The following LTK variants were observed in gnomAD, a reference collection of about 807,000 sequenced individuals.
The protein encoded by LTK is leukocyte receptor tyrosine kinase.
LTK carries 117 observed loss-of-function variants against 101.5 expected under a neutral mutation model. That is an observed-to-expected ratio of 1.15 (90% confidence interval 0.99 to 1.34). The LOEUF (loss-of-function observed/expected upper bound fraction) is 1.34. LTK is among the 40% of genes most tolerant of loss of function. LTK has a pLI of 0.00. For missense variants in LTK, 1,252 were observed against 1,164.7 expected, an observed-to-expected ratio of 1.07 and a Z score of -1.09; for synonymous variants, 563 against 494.2, an observed-to-expected ratio of 1.14 and a Z score of -1.85.
rs1308757789 is a variant in LTK at position 41,504,970 on chromosome 15, A to G, written c.2018+2T>C. 6.2e-7 allele frequency: 1 copy of G among 1,608,954 alleles called. No individual in the cohort carries two copies. The highest frequency in any genetic ancestry group is 2.2e-5 in the East Asian group (1 of 44,842). On this transcript the variant is annotated splice_donor_variant, in intron 16 of 19. Coordinates refer to ENST00000263800, the MANE Select transcript of LTK (RefSeq NM_002344.6). LOFTEE classifies it high-confidence loss of function. ...AGCCTTCCCACCTCCCAAGTCCCGC[A>G]CCGGTAGATATCTCGTGCCATCCCA...
chr15:41,506,214 G>A (rs749307982), intron 11 of LTK, among the ~76,000 whole-genome samples: 23 of 152,250 alleles, frequency 1.5e-4, no homozygotes, highest in Admixed American at 5.2e-4. Flanking sequence ...GGGCAGATGC[G>A]GGCCAGAGTC....
chr15:41,511,569 C>A lies in LTK; in HGVS notation c.667G>T (p.Gly223Cys). Residue 223 changes from glycine to cysteine, a missense_variant, in exon 6 of 20, where the codon GGC becomes TGC. Transcript: ENST00000263800. The surrounding 1 kb of genome is among the most constrained non-coding windows in gnomAD (Gnocchi z 5.9). ...GATYVFRVRA[G>C]ELEPLLVAAG... ...GCCACCAGCAACGGTTCCAGCTCGC[C>A]AGCGCGCACCTGTGGGGCCAGCGGC... The A allele has an allele frequency of 6.9e-7, 1 of 1,445,096 alleles. No homozygotes were observed. 89.5% of individuals were successfully genotyped at this position (1,445,096 alleles called of 1,614,324 possible).
chr15:41,507,391 T>C (rs534056317), intron 10 of LTK, 101 bp from the exon 11 acceptor site: 3 of 1,487,160 alleles, frequency 2.0e-6, no homozygotes, highest in Non-Finnish European at 2.7e-6. Flanking sequence ...AAGGTAAACG[T>C]TTTCCCCAGG....
chr15:41,504,628 C>A lies in LTK; in HGVS notation c.2133G>T (p.Val711=). The change falls in exon 18 of 20, where the codon GTG becomes GTT. Residue 711 remains valine (V), a synonymous_variant. Coordinates refer to ENST00000263800, the MANE Select transcript of LTK (RefSeq NM_002344.6). ...TSKTDSWSFG[V]LLWEIFSLGY... ...CCAGTGAGAAGATCTCCCAGAGCAGCACCCCAAAAGACCTGCATCACAAGT... is the reference window on the plus strand; with the variant it reads ...CCAGTGAGAAGATCTCCCAGAGCAGAACCCCAAAAGACCTGCATCACAAGT... 6.2e-7 allele frequency: 1 copy of A among 1,613,004 alleles called. No homozygotes were observed. Among genetic ancestry groups the A allele is most frequent in the African/African-American group, 1.3e-5 (1 of 75,056 alleles).
rs2051207557 is a variant in LTK at position 41,504,918 on chromosome 15, G to A, written c.2019-44C>T. On this transcript the variant is annotated intron_variant, in intron 16 of 19. Transcript: ENST00000263800. ...GAATGATGAGTTGTTCACCACCAAG[G>A]TGCGGGGAAAACCCCCTTGGAGCAA... The A allele has an allele frequency of 3.7e-6, 6 of 1,600,054 alleles. No individual in the cohort carries two copies. In the East Asian group the frequency reaches 1.3e-4, roughly 36 times the overall value.
rs200930636 is a variant in LTK at position 41,513,643 on chromosome 15, C to T, written c.43+24G>A. 1.9e-6 allele frequency: 3 copies of T among 1,611,440 alleles called. No individual in the cohort carries two copies. In the East Asian group the frequency reaches 6.7e-5, roughly 36 times the overall value. On this transcript the variant is annotated intron_variant, in intron 1 of 19. Transcript: ENST00000263800. ...GGAAAGTGCCTCAGGCTGGACGGTC[C>T]CCTGACCGCCAGATAGCACTTACCC...
intron 1 of LTK, 137 bp from the exon 2 acceptor site, chr15:41,513,257 G>C (rs2051553875): frequency 1.9e-6 from 2 of 1,076,118 alleles, no homozygotes; most frequent in Non-Finnish European, 2.6e-6. Context: ...TCTCAGCCTG[G>C]AAGCCACTAC....
Position 41,511,932 on chromosome 15 carries a change from C to A in LTK, c.542G>T (p.Gly181Val). 1.3e-6 allele frequency: 2 copies of A among 1,501,282 alleles called. No individual in the cohort carries two copies. Among genetic ancestry groups the A allele is most frequent in the Admixed American group, 2.6e-5 (1 of 38,622 alleles). The allele number at this position is 1,501,282 out of a possible 1,614,324, so 93.0% of individuals were successfully genotyped here. The stretch of plus-strand genomic sequence containing the variant: ...GTGCTCTTCAACGGCTCGAGACTCC[C>A]CGAGGCAGACGAGCTGGCTCTCCGG... ...GSPESQLVCL[G>V]ESRAVEEHAA... The change falls in exon 5 of 20, where the codon GGG becomes GTG. Residue 181 changes from glycine to valine, a missense_variant. By Grantham distance (109) the Gly-to-Val change is moderately radical (BLOSUM62 -3). Transcript: ENST00000263800. This position sits in a 1 kb window ranked among gnomAD's most constrained non-coding sequence, Gnocchi z 5.9.
chr15:41,505,888 C>G (rs1427552859), intron 12 of LTK, 27 bp downstream of exon 12: 23 of 1,607,066 alleles, frequency 1.4e-5, no homozygotes, highest in Middle Eastern at 1.7e-4. Context: ...CTCTCCTACC[C>G]CCAGCCAGAA....
Position 41,511,806 on chromosome 15 carries a change from G to A in LTK, c.657+11C>T. 6.7e-7 allele frequency: 1 copy of A among 1,489,180 alleles called. No homozygotes were observed. The highest frequency in any genetic ancestry group is 2.8e-5 in the East Asian group (1 of 36,352). 92.2% of individuals were successfully genotyped at this position (1,489,180 alleles called of 1,614,324 possible). A position where few individuals can be genotyped will look rare whatever the true frequency, so the allele number is the denominator to read the frequency against. ...GGGACCCCAACGCTGAGCGCCGAAG[G>A]GAGCACGTACCCGGAAAACGTAGGT... is the stretch of plus-strand genomic sequence containing the variant. On this transcript the variant is annotated intron_variant, in intron 5 of 19. Coordinates refer to ENST00000263800, the MANE Select transcript of LTK (RefSeq NM_002344.6). This position sits in a 1 kb window ranked among gnomAD's most constrained non-coding sequence, Gnocchi z 5.9.
Position 41,507,286 on chromosome 15 carries a change from C to T in LTK, c.1350G>A (p.Lys450=), listed in dbSNP as rs2051318856. The change falls in exon 11 of 20, where the codon AAG becomes AAA. Residue 450 remains lysine (K), a synonymous_variant. Coordinates refer to ENST00000263800, the MANE Select transcript of LTK (RefSeq NM_002344.6). The part of the protein sequence containing the change: ...LMVCGVLILV[K]QKKWQGLQEM... ...CCTGCAGGCCCTGCCACTTCTTCTG[C>T]TTCACTGGGGGTGGGAAGAATAACG... The T allele has an allele frequency of 6.3e-7, 1 of 1,595,078 alleles. No homozygotes were observed. Among genetic ancestry groups the T allele is most frequent in the East Asian group, 2.2e-5 (1 of 44,616 alleles).
Position 41,505,391 on chromosome 15 carries a change from A to G in LTK, c.1827+10T>C, listed in dbSNP as rs750103241. 1.2e-6 allele frequency: 2 copies of G among 1,613,818 alleles called. No individual in the cohort carries two copies. Among genetic ancestry groups the G allele is most frequent in the African/African-American group, 2.7e-5 (2 of 74,882 alleles). On this transcript the variant is annotated intron_variant, in intron 14 of 19. Coordinates refer to ENST00000263800, the MANE Select transcript of LTK (RefSeq NM_002344.6). The stretch of plus-strand genomic sequence containing the variant: ...AGAGGGGCCTGGGGGGGCTAAGACA[A>G]GGGTCTCACCAGGTGTGGCCGACTG...
At chr15:41,505,161 G>A (rs758151387) in intron 15 of LTK, 47 bp downstream of exon 15, 5 of 1,593,212 alleles carry the variant, frequency 3.1e-6, no homozygotes, top group Admixed American at 3.4e-5. Context: ...CTGTTCCTTG[G>A]GGAGGGAGTT....
chr15:41,504,510 G>A lies in LTK; in HGVS notation c.2251C>T (p.Pro751Ser). Residue 751 changes from proline (P) to serine (S), a missense_variant, in exon 18 of 20, where the codon CCT (proline) becomes TCT (serine). By Grantham distance (74) the Pro-to-Ser change is moderately conservative (BLOSUM62 -1). Coordinates refer to ENST00000263800, the MANE Select transcript of LTK (RefSeq NM_002344.6). ...RMDPPRGCPG[P>S]VYRIMTQCWQ... ...CCCGGGCAGCACTCAACTCACACAG[G>A]CCCTGGGCAGCCCCTAGGAGGGTCC... The A allele has an allele frequency of 1.2e-6, 2 of 1,613,054 alleles. No individual in the cohort carries two copies. The highest frequency in any genetic ancestry group is 8.5e-7 in the Non-Finnish European group (1 of 1,179,462).
At position 41,505,472 on chromosome 15, in the gene LTK, G is replaced by C. The variant is rs202096075; in HGVS notation, c.1756C>G (p.Arg586Gly). Residue 586 changes from arginine to glycine, a missense_variant, in exon 14 of 20, where the codon CGC (arginine) becomes GGC (glycine). Transcript: ENST00000263800. ...CVGLSLRATP[R>G]LILLELMSGG... Reference sequence around the variant, plus strand: ...GACATCAGTTCCAGCAGAATGAGGCGAGGGGTGGCCCTGAGGCTGAGCCCC... The same window carrying C: ...GACATCAGTTCCAGCAGAATGAGGCCAGGGGTGGCCCTGAGGCTGAGCCCC... 2.4e-5 allele frequency: 38 copies of C among 1,614,102 alleles called. No homozygotes were observed. Among genetic ancestry groups the C allele is most frequent in the South Asian group, 1.5e-4 (14 of 91,072 alleles).
At chr15:41,508,838 G>C (rs1396309705) in intron 8 of LTK, among the ~76,000 whole-genome samples, 193 bp downstream of exon 8, 3 of 152,128 alleles carry the variant, frequency 2.0e-5, no homozygotes, top group African/African-American at 7.2e-5. Context: ...ACAGAGTTTT[G>C]CTCTTGTCGC....
chr15:41,512,213 G>C lies in LTK; in HGVS notation c.412C>G (p.Arg138Gly). 1 of 1,613,078 alleles carries C rather than the reference G, an allele frequency of 6.2e-7. No homozygotes were observed. The highest frequency in any genetic ancestry group is 1.3e-5 in the African/African-American group (1 of 75,010). Residue 138 changes from arginine (R) to glycine (G), a missense_variant, in exon 4 of 20, where the codon CGG (arginine) becomes GGG (glycine). Transcript: ENST00000263800. ...GCTGAGACGAAGACGCCATGCGCCC[G>C]CGACAGGTGGTTCTTGGCGCCTTTG... ...GGKGAKNHLS[R>G]AHGVFVSAIF...
Position 41,512,139 on chromosome 15 carries a change from C to A in LTK, c.486G>T (p.Gln162His), listed in dbSNP as rs1237979099. 6.2e-7 allele frequency: 1 copy of A among 1,611,468 alleles called. No individual in the cohort carries two copies. The highest frequency in any genetic ancestry group is 1.1e-5 in the South Asian group (1 of 90,858). ...CTCCGGGACAGGCGTCCTCTCCCTG[C>A]TGCCCCACCAGGATGTACAGCGACT... is the stretch of plus-strand genomic sequence containing the variant. ...LGESLYILVG[Q>H]QGEDACPGGS... The change falls in exon 4 of 20, where the codon CAG becomes CAT. Residue 162 changes from glutamine (Q) to histidine (H), a missense_variant. Transcript: ENST00000263800.
intron 8 of LTK, among the ~76,000 whole-genome samples, chr15:41,508,725 G>A (rs564466926): frequency 6.6e-6 from 1 of 152,264 alleles, no homozygotes; most frequent in South Asian, 2.1e-4. Flanking sequence ...CACACTCCCA[G>A]GTATTTGAAG....
Sources: allele counts gnomAD v4.1 joint callset (sites outside exome capture counted in the v4.1 genomes callset), GRCh38; gene constraint gnomAD v4.1.1; non-coding constraint Gnocchi (gnomAD v3.1); transcripts MANE v1.5; gene names NCBI Gene and HGNC (gene_info 2026-07-23, HGNC 2026-07-21).